Variants in CUX1 observed in about 807,000 individuals in gnomAD.
CUX1 encodes the protein cut like homeobox 1, also known as protein CASP.
Under a neutral mutation model 158.8 loss-of-function variants are expected in CUX1, and 31 were observed. The ratio of observed to expected loss-of-function variants is 0.20; its 90% CI spans 0.15 to 0.26. The LOEUF is 0.26. Ranked by LOEUF, CUX1 falls within the 10% of genes least tolerant of loss-of-function variation. The pLI, the probability that CUX1 is intolerant of heterozygous loss-of-function variation, is 1.00. For missense variants in CUX1, 1,589 were observed against 2,014.6 expected (o/e 0.79, Z 4.04); for synonymous variants, 879 against 862.1 (o/e 1.02, Z -0.34).
chr7:102,217,724 A>T (rs1797390594), intron 20 of CUX1, among the ~76,000 whole-genome samples: 1 of 149,994 alleles, frequency 6.7e-6, no homozygotes, highest in Non-Finnish European at 1.5e-5. Flanking sequence ...ATCTGGATGG[A>T]CGTGATGGTG....
chr7:101,933,472 A>AAAT (rs1806523102), intron 2 of CUX1, among the ~76,000 whole-genome samples: 1 of 152,182 alleles, frequency 6.6e-6, no homozygotes, highest in African/African-American at 2.4e-5. Flanking sequence ...CCATATTCTC[A>AAAT]CATTATTCAT....
Position 102,251,232 on chromosome 7 carries a change from C to G in CUX1, c.*2190C>G. 1.4e-6 allele frequency: 1 copy of G among 717,068 alleles called. No individual in the cohort carries two copies. Among genetic ancestry groups the G allele is most frequent in the Non-Finnish European group, 1.6e-6 (1 of 608,720 alleles). The allele number at this position is 717,068 out of a possible 1,614,324, so 44.4% of individuals were successfully genotyped here. ...TATTTCTTAAGTTTAATTAATATTA[C>G]TTTTTTTTTTATTTGGGGGGTGGGA... On this transcript the variant is annotated 3_prime_UTR_variant, in exon 24 of 24. Coordinates refer to ENST00000292535, the MANE Select transcript of CUX1 (RefSeq NM_181552.4).
intron 20 of CUX1, among the ~76,000 whole-genome samples, 179 bp downstream of exon 20, chr7:102,205,349 C>A (rs1163945348): frequency 6.6e-6 from 1 of 152,164 alleles, no homozygotes; most frequent in Non-Finnish European, 1.5e-5. Flanking sequence ...TAATGGAGAG[C>A]GAGCTGACAG....
chr7:101,896,512 T>C (rs139445239), intron 1 of CUX1, among the ~76,000 whole-genome samples: 314 of 152,278 alleles, frequency 2.1e-3, no homozygotes, highest in African/African-American at 6.8e-3. Flanking sequence ...GGGAAAATGG[T>C]GAACTCACTT....
At chr7:102,278,231 A>G (rs1791749794) in intron 18 of CUX1, among the ~76,000 whole-genome samples, 1 of 152,154 alleles carries the variant, frequency 6.6e-6, no homozygotes, top group African/African-American at 2.4e-5. Flanking sequence ...CCTGCCTGCT[A>G]GCTGCCCTCC....
intron 8 of CUX1, among the ~76,000 whole-genome samples, chr7:102,132,680 C>CTTTTTTTTTTTT (rs1174779466): frequency 6.1e-5 from 7 of 115,182 alleles, no homozygotes; most frequent in African/African-American, 1.0e-4. Flanking sequence ...CTTTGCTTTT[C>CTTTTTTTTTTTT]TTTTTTTTTT....
At chr7:102,230,843 T>A (rs1798885165) in intron 21 of CUX1, among the ~76,000 whole-genome samples, 1 of 152,100 alleles carries the variant, frequency 6.6e-6, no homozygotes, top group Non-Finnish European at 1.5e-5. Context: ...GCCCACCTCC[T>A]TATAGGAAGT....
At chr7:102,122,890 GCACACACACAGGCT>G (rs1832203350) in intron 8 of CUX1, among the ~76,000 whole-genome samples, 1 of 151,836 alleles carries the variant, frequency 6.6e-6, no homozygotes, top group Middle Eastern at 3.2e-3. Context: ...GACGTCACAT[GCACACACACAGGCT>G]CACACACTCT....
At chr7:102,273,203 T>C (rs1337548503) in intron 14 of CUX1, among the ~76,000 whole-genome samples, 2 of 152,126 alleles carry the variant, frequency 1.3e-5, no homozygotes, top group Admixed American at 6.5e-5. Flanking sequence ...CTAGGTCTAA[T>C]GGGGTCTTCT....
chr7:101,910,761 G>C (rs1229301555), intron 1 of CUX1, among the ~76,000 whole-genome samples: 2 of 144,848 alleles, frequency 1.4e-5, no homozygotes, highest in African/African-American at 5.0e-5. Flanking sequence ...AAAAAAAAAA[G>C]ATGGGCAAAT....
intron 1 of CUX1, among the ~76,000 whole-genome samples, chr7:101,895,882 A>C (rs1048768017): frequency 2.1e-4 from 29 of 135,430 alleles, no homozygotes; most frequent in African/African-American, 7.2e-4. Context: ...TCCTTGTATC[A>C]CCTGTAAAGT....
At chr7:102,149,165 T>C (rs1835342272) in intron 8 of CUX1, among the ~76,000 whole-genome samples, 1 of 152,078 alleles carries the variant, frequency 6.6e-6, no homozygotes. Flanking sequence ...CAGGCTTCCA[T>C]TTCCCTGTGG....
chr7:101,970,680 C>T (rs1054401814), intron 2 of CUX1, among the ~76,000 whole-genome samples: 3 of 152,136 alleles, frequency 2.0e-5, no homozygotes, highest in Non-Finnish European at 4.4e-5. Flanking sequence ...CTCAGCCCCT[C>T]GAGTAGCTGG....
chr7:101,816,382 C>T (rs1791780040), upstream of CUX1, among the ~76,000 whole-genome samples: 1 of 143,970 alleles, frequency 6.9e-6, no homozygotes, highest in Admixed American at 6.8e-5. Context: ...TCTGCCCCCA[C>T]CCCGGGCGCC....
At chr7:102,100,587 C>A (rs1829665912) in intron 5 of CUX1, among the ~76,000 whole-genome samples, 1 of 152,160 alleles carries the variant, frequency 6.6e-6, no homozygotes, top group Non-Finnish European at 1.5e-5. Context: ...CCCCCACTTC[C>A]AAGAATAAAA....
chr7:101,984,089 A>AAAAT (rs1221503978), intron 2 of CUX1, among the ~76,000 whole-genome samples: 11 of 29,822 alleles, frequency 3.7e-4, no homozygotes, highest in East Asian at 2.0e-3. Context: ...AAAAAAAAAA[A>AAAAT]ATATATATAT....
intron 15 of CUX1, among the ~76,000 whole-genome samples, chr7:102,198,327 A>G (rs1367253576): frequency 2.0e-5 from 3 of 152,228 alleles, no homozygotes; most frequent in African/African-American, 2.4e-5. Context: ...CCACATCAAC[A>G]GAGCTATTGA....
chr7:102,006,489 C>T (rs111673400), intron 2 of CUX1, among the ~76,000 whole-genome samples: 16 of 152,184 alleles, frequency 1.1e-4, no homozygotes, highest in African/African-American at 2.2e-4. Context: ...CTCCGCCTCC[C>T]GGGTTCAAGC....
Position 102,193,576 on chromosome 7 carries a change from G to A in CUX1, c.1077-266G>A, listed in dbSNP as rs782112839. Among the ~76,000 whole-genome samples, 6 of 152,044 alleles carry A rather than the reference G, an allele frequency of 3.9e-5. No individual in the cohort carries two copies. The South Asian group carries it at 6.2e-4, about 16-fold the overall frequency. Reference sequence around the variant, plus strand: ...TACCAACACTTTGGGAGGCTGAGGCGGGTGGATCACTTGAGGTCAGGAGTT... The same window carrying A: ...TACCAACACTTTGGGAGGCTGAGGCAGGTGGATCACTTGAGGTCAGGAGTT... On this transcript the variant is annotated intron_variant, in intron 12 of 23. Transcript: ENST00000292535.
Sources: gnomAD v4.1 joint callset for allele counts (sites outside exome capture counted in the v4.1 genomes callset) on GRCh38, gnomAD v4.1.1 for gene constraint, MANE v1.5 for transcripts, NCBI Gene and HGNC (gene_info 2026-07-23, HGNC 2026-07-21) for gene names.